Variants in FOXP2 observed in about 807,000 individuals in gnomAD.
FOXP2 encodes forkhead box protein P2.
In FOXP2, 12 loss-of-function variants were observed where a neutral mutation model predicts 115.8. The observed-to-expected ratio is 0.10, with a 90% CI of 0.07 to 0.17. The LOEUF (loss-of-function observed/expected upper bound fraction) is 0.17. Among genes scored for constraint, FOXP2 ranks in the 10% least tolerant of loss-of-function variants. FOXP2 has a pLI of 1.00. For missense variants in FOXP2, 629 were observed against 843.5 expected, an observed-to-expected ratio of 0.75 and a Z score of 3.15; for synonymous variants, 328 against 297.7, an observed-to-expected ratio of 1.10 and a Z score of -1.05.
At chr7:114,158,141 T>G (rs1291062623), upstream of FOXP2, among the ~76,000 whole-genome samples, 2 of 152,074 alleles carry the variant, frequency 1.3e-5, no homozygotes, top group African/African-American at 4.8e-5. Flanking sequence ...TGTTTTAAAG[T>G]GCTAAAAGTC....
chr7:114,448,645 C>T (rs1794938745), intron 2 of FOXP2, among the ~76,000 whole-genome samples: 1 of 152,066 alleles, frequency 6.6e-6, no homozygotes, highest in Non-Finnish European at 1.5e-5. Flanking sequence ...AATTACTTAG[C>T]CATTCCACTT....
At chr7:114,355,496 A>C (rs752690713) in intron 2 of FOXP2, among the ~76,000 whole-genome samples, 9 of 152,184 alleles carry the variant, frequency 5.9e-5, no homozygotes, top group Non-Finnish European at 1.2e-4. Context: ...ATCAAGTGTA[A>C]TAGTTTCTCT....
At chr7:114,578,730 A>C (rs1213620761) in intron 3 of FOXP2, among the ~76,000 whole-genome samples, 2 of 152,092 alleles carry the variant, frequency 1.3e-5, no homozygotes, top group Admixed American at 6.6e-5. Context: ...ACTTGACTAC[A>C]TGTGGTTTGT....
chr7:114,384,083 C>T (rs1338874502), intron 2 of FOXP2, among the ~76,000 whole-genome samples: 3 of 151,978 alleles, frequency 2.0e-5, no homozygotes, highest in Admixed American at 1.3e-4. Context: ...GGGTGTGTCA[C>T]CACCCATGGA....
At chr7:114,415,390 G>A in intron 1 of FOXP2, 30 bp downstream of exon 1, 1 of 424,558 alleles carries the variant, frequency 2.4e-6, no homozygotes, top group Non-Finnish European at 4.6e-6. Context: ...GAGAATATCT[G>A]TAAGAGTTTA....
At chr7:114,664,853 C>T (rs183186179) in intron 16 of FOXP2, 13 of 190,612 alleles carry the variant, frequency 6.8e-5, no homozygotes, top group Admixed American at 1.1e-4. Context: ...AGATATTGCC[C>T]GTTTTTATAA....
At chr7:114,222,629 T>A (rs1011903813) in intron 1 of FOXP2, among the ~76,000 whole-genome samples, 4 of 152,200 alleles carry the variant, frequency 2.6e-5, no homozygotes, top group African/African-American at 9.7e-5. Context: ...AAGGTTGTAG[T>A]AGAAGAAATA....
At chr7:114,552,695 C>T (rs1800269399) in intron 3 of FOXP2, among the ~76,000 whole-genome samples, 1 of 152,044 alleles carries the variant, frequency 6.6e-6, no homozygotes, top group East Asian at 1.9e-4. Context: ...TCATTACATA[C>T]GTTATTCCAT....
At chr7:114,490,216 A>G (rs1796971424) in intron 2 of FOXP2, among the ~76,000 whole-genome samples, 1 of 152,158 alleles carries the variant, frequency 6.6e-6, no homozygotes, top group South Asian at 2.1e-4. Context: ...TATATAGACA[A>G]TGGAGTGTTA....
intron 3 of FOXP2, among the ~76,000 whole-genome samples, chr7:114,583,948 A>G (rs1208805061): frequency 3.9e-5 from 6 of 152,210 alleles, no homozygotes; most frequent in Non-Finnish European, 8.8e-5. Flanking sequence ...AGTATCGAGT[A>G]TATCAAATTT....
At chr7:114,273,392 A>T (rs891311674) in intron 1 of FOXP2, among the ~76,000 whole-genome samples, 2 of 151,940 alleles carry the variant, frequency 1.3e-5, no homozygotes, top group Non-Finnish European at 2.9e-5. Flanking sequence ...TTCCCATGTG[A>T]GCTTGAGAAG....
intron 2 of FOXP2, among the ~76,000 whole-genome samples, chr7:114,486,336 C>T (rs1324048916): frequency 1.3e-5 from 2 of 152,086 alleles, no homozygotes; most frequent in African/African-American, 4.8e-5. Context: ...TTCACTATTA[C>T]AAGAAGAGGA....
chr7:114,235,131 C>A (rs897531070), intron 1 of FOXP2, among the ~76,000 whole-genome samples: 2 of 151,394 alleles, frequency 1.3e-5, no homozygotes, highest in African/African-American at 2.4e-5. Context: ...ATAGTCATCA[C>A]TCCAATGTTT....
rs1805699582 is a variant in FOXP2, at chr7:114,643,530, A to G, written c.989+907A>G. 2.0e-5 allele frequency among the ~76,000 whole-genome samples: 3 copies of G among 152,306 alleles called. No individual in the cohort carries two copies. The South Asian group carries it at 6.2e-4, about 32-fold the overall frequency. ...CTTTCAAAGAAAAATTTTTTATTTC[A>G]GTTATTAATATTAAATGTGTTATGT... is the stretch of plus-strand genomic sequence containing the variant. On this transcript the variant is annotated intron_variant, in intron 7 of 16. Transcript: ENST00000350908.
At chr7:114,109,329 T>A (rs182195229) in intron 1 of FOXP2, among the ~76,000 whole-genome samples, 1 of 152,222 alleles carries the variant, frequency 6.6e-6, no homozygotes, top group East Asian at 1.9e-4. Context: ...TGTATTATGT[T>A]CATCTTCATC....
rs201540811 is a variant in FOXP2, at chr7:114,322,590, A to AT, written c.-11+34488dup. Among the ~76,000 whole-genome samples, 653 of 152,200 alleles carry AT rather than the reference A, an allele frequency of 4.3e-3. 6 individuals are homozygous for AT. Among genetic ancestry groups the AT allele is most frequent in the African/African-American group, 0.014 (600 of 41,564 alleles). On this transcript the variant is annotated intron_variant, in intron 2 of 17. Coordinates refer to the FOXP2 transcript ENST00000634411. Reference sequence around the variant, plus strand: ...AATCTTCACAATTACTATAGTAGACATTTTTTTCAATTTTGCAGACAAGGA... The same window carrying AT: ...AATCTTCACAATTACTATAGTAGACATTTTTTTTCAATTTTGCAGACAAGGA...
chr7:114,164,103 T>C (rs1394357849), intron 1 of FOXP2, among the ~76,000 whole-genome samples: 1 of 152,154 alleles, frequency 6.6e-6, no homozygotes, highest in Admixed American at 6.6e-5. Flanking sequence ...TGGCCCACGG[T>C]GAAAAATCTA....
intron 2 of FOXP2, among the ~76,000 whole-genome samples, chr7:114,394,568 T>C (rs1035337172): frequency 1.3e-5 from 2 of 152,122 alleles, no homozygotes; most frequent in African/African-American, 2.4e-5. Context: ...CTGGCAGATA[T>C]CACTTTAATC....
At chr7:114,597,923 G>A (rs1024932499) in intron 3 of FOXP2, among the ~76,000 whole-genome samples, 3 of 152,160 alleles carry the variant, frequency 2.0e-5, no homozygotes, top group African/African-American at 7.2e-5. Context: ...AATATGGACA[G>A]TGAAAGTTTC....
Sources: allele counts gnomAD v4.1 joint callset (sites outside exome capture counted in the v4.1 genomes callset), GRCh38; gene constraint gnomAD v4.1.1; transcripts MANE v1.5; gene names NCBI Gene and HGNC (gene_info 2026-07-23, HGNC 2026-07-21).